The following NWD2 variants were observed in gnomAD, a reference collection of about 807,000 sequenced individuals.
NWD2 encodes the protein NACHT and WD repeat domain containing 2, also known as NACHT and WD repeat domain-containing protein 2.
NWD2 carries 37 observed loss-of-function variants against 132.7 expected under a neutral mutation model. That is an observed-to-expected ratio of 0.28 (90% confidence interval 0.21 to 0.37). The LOEUF is 0.37. NWD2 is among the 10% of genes least tolerant of loss of function. The probability of loss-of-function intolerance (pLI) is 1.00; values close to 1 mark genes in which losing one functional copy is unlikely to be tolerated. For missense variants in NWD2, 1,592 were observed against 2,122.4 expected (o/e 0.75, Z 4.91); for synonymous variants, 705 against 803.0 (o/e 0.88, Z 2.06).
rs913969870 is a variant in NWD2 at position 37,366,422 on chromosome 4, A to G, written c.357+9940A>G. Among the ~76,000 whole-genome samples the G allele has an allele frequency of 5.3e-5, 8 of 152,296 alleles. No homozygotes were observed. In the East Asian group the frequency reaches 1.4e-3, roughly 26 times the overall value. ...TAAATAACCATTATTTTAAAAATGA[A>G]GTTCAGAATACCATGAAAATTACAA... On this transcript the variant is annotated intron_variant, in intron 3 of 6. Transcript: ENST00000309447.
chr4:37,292,004 G>T (rs184911311), intron 1 of NWD2, among the ~76,000 whole-genome samples: 2 of 152,122 alleles, frequency 1.3e-5, no homozygotes, highest in African/African-American at 4.8e-5. Context: ...CACTTTGAGA[G>T]GGTTAATTAT....
At position 37,330,424 on chromosome 4, in the gene NWD2, G is replaced by A. The variant is rs545350898; in HGVS notation, c.240+4400G>A. 2.6e-5 allele frequency among the ~76,000 whole-genome samples: 4 copies of A among 152,216 alleles called. No individual in the cohort carries two copies. The East Asian group carries it at 5.8e-4, about 22-fold the overall frequency. On this transcript the variant is annotated intron_variant, in intron 2 of 6. Coordinates refer to ENST00000309447, the MANE Select transcript of NWD2 (RefSeq NM_001144990.2). ...AGGGGATAGAAAATAAGAACAAGGAGAATCAATTGGAAAAAAGTAAAGACA... is the reference window on the plus strand; with the variant it reads ...AGGGGATAGAAAATAAGAACAAGGAAAATCAATTGGAAAAAAGTAAAGACA...
intron 1 of NWD2, among the ~76,000 whole-genome samples, chr4:37,274,662 C>T (rs1355624090): frequency 2.0e-5 from 3 of 151,938 alleles, no homozygotes; most frequent in Admixed American, 2.0e-4. Flanking sequence ...CCCTGATGAA[C>T]ATCGATGCAA....
chr4:37,361,157 T>C (rs1333242022), intron 3 of NWD2, among the ~76,000 whole-genome samples: 2 of 152,064 alleles, frequency 1.3e-5, no homozygotes, highest in Non-Finnish European at 2.9e-5. Flanking sequence ...GCAACCAGTA[T>C]TGAGGTCCAA....
At chr4:37,343,469 C>G (rs992852041) in intron 2 of NWD2, among the ~76,000 whole-genome samples, 1 of 152,158 alleles carries the variant, frequency 6.6e-6, no homozygotes, top group Non-Finnish European at 1.5e-5. Flanking sequence ...GCCAGTAAGG[C>G]TGGAGAAATA....
intron 3 of NWD2, among the ~76,000 whole-genome samples, chr4:37,376,914 C>T (rs553534105): frequency 6.6e-6 from 1 of 152,096 alleles, no homozygotes; most frequent in African/African-American, 2.4e-5. Context: ...AGCATAAAGC[C>T]TCATGTATCA....
chr4:37,424,776 C>T (rs1711946180), intron 3 of NWD2, among the ~76,000 whole-genome samples: 1 of 152,192 alleles, frequency 6.6e-6, no homozygotes, highest in South Asian at 2.1e-4. Flanking sequence ...ACCTGTCTTT[C>T]CTGACATCCC....
At chr4:37,442,026 T>A (rs963379734) in intron 6 of NWD2, among the ~76,000 whole-genome samples, 2 of 152,206 alleles carry the variant, frequency 1.3e-5, no homozygotes, top group African/African-American at 4.8e-5. Flanking sequence ...AAAGGATAGT[T>A]GTTGAATGAC....
intron 1 of NWD2, among the ~76,000 whole-genome samples, chr4:37,271,214 G>T (rs926168260): frequency 6.6e-6 from 1 of 151,666 alleles, no homozygotes; most frequent in Admixed American, 6.6e-5. Flanking sequence ...AGATTCTTCT[G>T]GCTATCCAAG....
chr4:37,375,973 G>A (rs1720341183), intron 3 of NWD2, among the ~76,000 whole-genome samples: 1 of 151,812 alleles, frequency 6.6e-6, no homozygotes, highest in African/African-American at 2.4e-5. Flanking sequence ...TTGAAATCGT[G>A]ATTTTAATAA....
At chr4:37,377,511 C>T (rs182632301) in intron 3 of NWD2, among the ~76,000 whole-genome samples, 16 of 152,236 alleles carry the variant, frequency 1.1e-4, no homozygotes, top group Admixed American at 2.0e-4. Context: ...GTTGGTGGAT[C>T]ACCTGAGGTT....
chr4:37,336,389 T>G (rs1341889491), intron 2 of NWD2, among the ~76,000 whole-genome samples: 1 of 152,188 alleles, frequency 6.6e-6, no homozygotes, highest in East Asian at 1.9e-4. Context: ...CACATTGCAA[T>G]TTGGACTGGC....
chr4:37,424,488 T>C (rs1711932246), intron 3 of NWD2, among the ~76,000 whole-genome samples: 1 of 152,198 alleles, frequency 6.6e-6, no homozygotes, highest in African/African-American at 2.4e-5. Context: ...AGGAAAATTA[T>C]GCATAAAATC....
At chr4:37,429,563 G>T (rs1296179304) in intron 3 of NWD2, among the ~76,000 whole-genome samples, 1 of 152,044 alleles carries the variant, frequency 6.6e-6, no homozygotes, top group Non-Finnish European at 1.5e-5. Context: ...TGATCCACCC[G>T]CCTCAGCCTC....
chr4:37,334,305 C>A (rs1223618310), intron 2 of NWD2, among the ~76,000 whole-genome samples: 1 of 152,152 alleles, frequency 6.6e-6, no homozygotes, highest in Non-Finnish European at 1.5e-5. Flanking sequence ...TTTCTGCTGC[C>A]AATAGGATCT....
At chr4:37,295,628 A>G (rs925137980) in intron 1 of NWD2, among the ~76,000 whole-genome samples, 1 of 152,212 alleles carries the variant, frequency 6.6e-6, no homozygotes, top group Admixed American at 6.5e-5. Flanking sequence ...TTGTGGAATC[A>G]TCTATCTACT....
At chr4:37,379,493 AT>A (rs1368560856) in intron 3 of NWD2, among the ~76,000 whole-genome samples, 1 of 152,138 alleles carries the variant, frequency 6.6e-6, no homozygotes, top group Non-Finnish European at 1.5e-5. Flanking sequence ...ATGCTTTTGT[AT>A]TTCAAAAAGC....
chr4:37,294,493 TC>T (rs1260256502), intron 1 of NWD2, among the ~76,000 whole-genome samples: 1 of 152,044 alleles, frequency 6.6e-6, no homozygotes, highest in Non-Finnish European at 1.5e-5. Flanking sequence ...ACCCCAAATG[TC>T]CATCTCACCT....
intron 1 of NWD2, among the ~76,000 whole-genome samples, chr4:37,305,696 T>A (rs1022001190): frequency 2.0e-5 from 3 of 152,182 alleles, no homozygotes; most frequent in Admixed American, 2.0e-4. Flanking sequence ...TGGTATAGAA[T>A]CTTTTTGATG....
Sources: gnomAD v4.1 joint callset for allele counts (sites outside exome capture counted in the v4.1 genomes callset) on GRCh38, gnomAD v4.1.1 for gene constraint, MANE v1.5 for transcripts, NCBI Gene and HGNC (gene_info 2026-07-23, HGNC 2026-07-21) for gene names.